Variants in DESI1 observed in about 807,000 individuals in gnomAD.
DESI1 encodes the protein desumoylating isopeptidase 1, also known as PPPDE peptidase domain containing 2.
A neutral mutation model predicts 22.4 loss-of-function variants in DESI1; 17 were observed. The observed-to-expected ratio is 0.76, with a 90% CI of 0.52 to 1.14. DESI1 has a LOEUF of 1.14. Among genes scored for constraint, DESI1 ranks in the 50% most tolerant of loss-of-function variants. The pLI is 0.00. For missense variants in DESI1, 177 were observed against 208.9 expected (o/e 0.85, Z 0.94); for synonymous variants, 92 against 84.2 (o/e 1.09, Z -0.51).
intron 3 of DESI1, among the ~76,000 whole-genome samples, chr22:41,606,477 G>T (rs996667760): frequency 2.0e-5 from 3 of 152,038 alleles, no homozygotes; most frequent in Non-Finnish European, 4.4e-5. Context: ...ATAGCTGATA[G>T]AAATTTTTGG....
Position 41,620,803 on chromosome 22 carries a change from C to A in DESI1, c.37G>T (p.Val13Leu). Residue 13 changes from valine (V) to leucine (L), a missense_variant, in exon 1 of 6, where the codon GTG becomes TTG. Val to Leu is a conservative substitution (Grantham distance 32). Coordinates refer to ENST00000263256, the MANE Select transcript of DESI1 (RefSeq NM_015704.3). The part of the protein sequence containing the change: ...PPNLYPVKLY[V>L]YDLSKGLARR... ...GCCAGGCCTTTGGACAGGTCGTACA[C>A]GTAGAGCTTCACCGGATAGAGATTC... The A allele has an allele frequency of 6.2e-7, 1 of 1,612,824 alleles. No homozygotes were observed. The highest frequency in any genetic ancestry group is 8.5e-7 in the Non-Finnish European group (1 of 1,179,416).
At chr22:41,608,347 G>A (rs1477128618) in intron 1 of DESI1, among the ~76,000 whole-genome samples, 1 of 152,190 alleles carries the variant, frequency 6.6e-6, no homozygotes. Context: ...ATGCAAACAG[G>A]AACGTATCAC....
At chr22:41,610,127 A>G (rs1442471016) in intron 1 of DESI1, among the ~76,000 whole-genome samples, 1 of 150,992 alleles carries the variant, frequency 6.6e-6, no homozygotes, top group Non-Finnish European at 1.5e-5. Context: ...CACGCCTGTA[A>G]TCCCAGCACT....
At chr22:41,618,919 C>G (rs1301207020) in intron 1 of DESI1, among the ~76,000 whole-genome samples, 1 of 152,092 alleles carries the variant, frequency 6.6e-6, no homozygotes, top group African/African-American at 2.4e-5. Flanking sequence ...AAAAAATTAG[C>G]CGGCTGTGGT....
chr22:41,603,256 T>C lies in DESI1; in HGVS notation c.413+3A>G. The C allele has an allele frequency of 6.2e-7, 1 of 1,614,118 alleles. No homozygotes were observed. Among genetic ancestry groups the C allele is most frequent in the Non-Finnish European group, 8.5e-7 (1 of 1,179,984 alleles). Reference sequence around the variant, plus strand: ...CAGGGGCAGGGACAGAGGCCACACTTACGTGGAGAGAACTTCAGAGGGCAG... The same window carrying C: ...CAGGGGCAGGGACAGAGGCCACACTCACGTGGAGAGAACTTCAGAGGGCAG... On this transcript the variant is annotated splice_donor_region_variant and intron_variant, in intron 5 of 5. Coordinates refer to ENST00000263256, the MANE Select transcript of DESI1 (RefSeq NM_015704.3).
intron 3 of DESI1, among the ~76,000 whole-genome samples, chr22:41,606,604 T>C (rs1200208701): frequency 1.3e-5 from 2 of 151,408 alleles, no homozygotes; most frequent in African/African-American, 2.4e-5. Context: ...AAACACCGTA[T>C]CTACTAAAAT....
intron 1 of DESI1, among the ~76,000 whole-genome samples, chr22:41,615,550 C>A (rs2067545917): frequency 6.6e-6 from 1 of 152,124 alleles, no homozygotes. Context: ...TAAAACAGTT[C>A]ACACAGTGAA....
chr22:41,607,113 G>A, intron 3 of DESI1, 149 bp downstream of exon 3: 1 of 605,884 alleles, frequency 1.7e-6, no homozygotes, highest in South Asian at 2.8e-5. Flanking sequence ...GGAACTGGCT[G>A]GGGTGTCTGG....
chr22:41,602,967 G>T, intron 5 of DESI1: 1 of 567,086 alleles, frequency 1.8e-6, no homozygotes, highest in Non-Finnish European at 2.7e-6. Context: ...CGAGCACAAT[G>T]GGAAGGACAG....
intron 1 of DESI1, among the ~76,000 whole-genome samples, chr22:41,611,276 G>A (rs1419064104): frequency 6.6e-6 from 1 of 152,148 alleles, no homozygotes; most frequent in African/African-American, 2.4e-5. Context: ...GGGATTACAG[G>A]TGTGCGCCAC....
intron 1 of DESI1, among the ~76,000 whole-genome samples, chr22:41,616,525 A>AAC (rs55785001): frequency 0.018 from 2,577 of 146,658 alleles, 24 homozygotes; most frequent in Admixed American, 0.029. Flanking sequence ...CCACAATTAA[A>AAC]ACACACACAC....
rs1436566517 is a variant in DESI1 at position 41,600,904 on chromosome 22, G to A, written c.*193C>T. The A allele has an allele frequency of 1.7e-6, 1 of 591,076 alleles. No homozygotes were observed. Among genetic ancestry groups the A allele is most frequent in the Non-Finnish European group, 3.0e-6 (1 of 328,876 alleles). The allele number at this position is 591,076 out of a possible 1,614,324, so 36.6% of individuals were successfully genotyped here. A position where few individuals can be genotyped will look rare whatever the true frequency, so the allele number is the denominator to read the frequency against. On this transcript the variant is annotated 3_prime_UTR_variant, in exon 6 of 6. Transcript: ENST00000263256. ...ATAAATTAGTATAATACTATTAGAA[G>A]GGGTGGCATTTTGTTCTGTTTCTTA...
In DESI1 at chr22:41,603,312, A is replaced by T. The variant is rs1173116456; in HGVS notation, c.360T>A (p.Thr120=). Residue 120 remains threonine (T), a synonymous_variant, in exon 5 of 6, where the codon ACT becomes ACA. Transcript: ENST00000263256. ...TFSNEVAQFL[T]GRKIPSYITD... is the part of the protein sequence containing the mutation. ...TGATGTAAGAAGGAATCTTCCGCCC[A>T]GTCAGGAACTGTGCCACTTCGTTGC... 1 of 1,614,152 alleles carries T rather than the reference A, an allele frequency of 6.2e-7. No homozygotes were observed. Among genetic ancestry groups the T allele is most frequent in the Non-Finnish European group, 8.5e-7 (1 of 1,180,064 alleles).
intron 4 of DESI1, among the ~76,000 whole-genome samples, 166 bp downstream of exon 4, chr22:41,603,878 G>C (rs954802936): frequency 4.6e-5 from 7 of 152,218 alleles, no homozygotes; most frequent in Non-Finnish European, 8.8e-5. Flanking sequence ...GAACAACTTA[G>C]AGCTTTTTGT....
intron 1 of DESI1, among the ~76,000 whole-genome samples, chr22:41,620,293 T>C (rs771966516): frequency 2.0e-5 from 3 of 151,916 alleles, no homozygotes; most frequent in Non-Finnish European, 4.4e-5. Flanking sequence ...TGAGACAAGG[T>C]TCTCCGAGAG....
chr22:41,611,965 T>C (rs2067520325), intron 1 of DESI1, among the ~76,000 whole-genome samples: 1 of 152,126 alleles, frequency 6.6e-6, no homozygotes. Context: ...AAGTACAATA[T>C]AGTGAATAAG....
At chr22:41,613,687 T>G (rs891729491) in intron 1 of DESI1, among the ~76,000 whole-genome samples, 3 of 152,246 alleles carry the variant, frequency 2.0e-5, no homozygotes, top group Admixed American at 6.5e-5. Flanking sequence ...GCAATGACTC[T>G]GCCACCCTGG....
At chr22:41,601,286 G>A (rs911230487) in intron 5 of DESI1, 96 bp from the exon 6 acceptor site, 21 of 1,137,342 alleles carry the variant, frequency 1.8e-5, no homozygotes, top group African/African-American at 4.8e-5. Flanking sequence ...AGGAGTGGGC[G>A]CTGGTGGCAG....
At position 41,620,883 on chromosome 22, in the gene DESI1, G is replaced by C. The variant is rs1383314377; in HGVS notation, c.-44C>G. ...CGGCCACGACGGCCCTCGGGCACCCGGCAGCGGCTTGGACCTTCCCGTACC... is the reference window on the plus strand; with the variant it reads ...CGGCCACGACGGCCCTCGGGCACCCCGCAGCGGCTTGGACCTTCCCGTACC... On this transcript the variant is annotated 5_prime_UTR_variant, in exon 1 of 6. Coordinates refer to ENST00000263256, the MANE Select transcript of DESI1 (RefSeq NM_015704.3). 2.5e-6 allele frequency: 4 copies of C among 1,579,366 alleles called. No individual in the cohort carries two copies. The East Asian group carries it at 9.4e-5, about 37-fold the overall frequency.
Sources: gnomAD v4.1 joint callset for allele counts (sites outside exome capture counted in the v4.1 genomes callset) on GRCh38, gnomAD v4.1.1 for gene constraint, MANE v1.5 for transcripts, NCBI Gene and HGNC (gene_info 2026-07-23, HGNC 2026-07-21) for gene names.